MAP1A: variants seen among roughly 807,000 people sequenced by gnomAD.
MAP1A encodes the protein microtubule associated protein 1A.
MAP1A carries 42 observed loss-of-function variants against 185.9 expected under a neutral mutation model. That is an observed-to-expected ratio of 0.23 (90% CI 0.18 to 0.29). The LOEUF (loss-of-function observed/expected upper bound fraction) is 0.29. Among genes scored for constraint, MAP1A ranks in the 10% least tolerant of loss-of-function variants. The pLI, the probability that MAP1A is intolerant of heterozygous loss-of-function variation, is 1.00. For missense variants in MAP1A, 2,995 were observed against 3,450.4 expected, an observed-to-expected ratio of 0.87 and a Z score of 3.31; for synonymous variants, 1,229 against 1,335.9, an observed-to-expected ratio of 0.92 and a Z score of 1.74.
At position 43,524,169 on chromosome 15, in the gene MAP1A, C is replaced by T. The variant is rs746403493; in HGVS notation, c.2696C>T (p.Ser899Phe). Residue 899 changes from serine (S) to phenylalanine (F), a missense_variant, in exon 4 of 6, where the codon TCC becomes TTC. Ser to Phe is a radical substitution (Grantham distance 155). Transcript: ENST00000300231. ...TCAGCTGGTACCATCTCACCCACCT[C>T]CTCACTGGAAGAAGACAAGGGCTTC... ...VPSAGTISPTSSLEEDKGFKS... is the reference protein window; with the variant it reads ...VPSAGTISPTFSLEEDKGFKS... 2.5e-6 allele frequency: 4 copies of T among 1,614,188 alleles called. No individual in the cohort carries two copies. The highest frequency in any genetic ancestry group is 2.5e-6 in the Non-Finnish European group (3 of 1,180,036).
Position 43,529,682 on chromosome 15 carries a change from C to T in MAP1A, c.8068C>T (p.Pro2690Ser), listed in dbSNP as rs201773895. The T allele has an allele frequency of 1.7e-3, 2,724 of 1,614,132 alleles. 9 individuals are homozygous for T. The highest frequency in any genetic ancestry group is 2.7e-3 in the South Asian group (243 of 91,072). Residue 2690 changes from proline to serine, a missense_variant, in exon 5 of 6, where the codon CCT becomes TCT. Transcript: ENST00000300231. The surrounding 1 kb of genome is among the most constrained non-coding windows in gnomAD (Gnocchi z 4.3). ...GAGTTCCAAGGGCAGCTCTGGTGCCCCTGTATATGTGGATCTCGCCTACAT... is the reference window on the plus strand; with the variant it reads ...GAGTTCCAAGGGCAGCTCTGGTGCCTCTGTATATGTGGATCTCGCCTACAT... ...ALSSKGSSGA[P>S]VYVDLAYIPN...
Position 43,522,992 on chromosome 15 carries a change from G to A in MAP1A, c.1519G>A (p.Ala507Thr). The change falls in exon 4 of 6, where the codon GCC becomes ACC. Residue 507 changes from alanine (A) to threonine (T), a missense_variant. Physicochemically the swap from Ala to Thr is moderately conservative, Grantham distance 58. Around this residue, in one of 3 missense-constraint regions of MAP1A, gnomAD observed 2,728 missense variants for 2,986.0 expected, o/e 0.91. Transcript: ENST00000300231. This position sits in a 1 kb window ranked among gnomAD's most constrained non-coding sequence, Gnocchi z 5.9. ...ELSSEPQTPP[A>T]QKGTVPLPTI... is the part of the protein sequence containing the mutation. The stretch of plus-strand genomic sequence containing the variant: ...GTCTTCTGAGCCCCAGACACCCCCA[G>A]CCCAGAAGGGAACTGTACCACTCCC... The A allele has an allele frequency of 6.2e-7, 1 of 1,614,160 alleles. No homozygotes were observed. Among genetic ancestry groups the A allele is most frequent in the East Asian group, 2.2e-5 (1 of 44,886 alleles).
In MAP1A at chr15:43,523,062, A is replaced by T; in HGVS notation, c.1589A>T (p.Asp530Val). ...GAGCTGGTCCTATCCTCACCAGAGG[A>T]CCTCACACAGGACTTTGAGGAGATG... Reference protein sequence around the residue: ...HRELVLSSPEDLTQDFEEMKR... With the variant: ...HRELVLSSPEVLTQDFEEMKR... Residue 530 changes from aspartate (D) to valine (V), a missense_variant, in exon 4 of 6, where the codon GAC becomes GTC. Transcript: ENST00000300231. The T allele has an allele frequency of 6.2e-7, 1 of 1,614,114 alleles. No individual in the cohort carries two copies. Among genetic ancestry groups the T allele is most frequent in the Non-Finnish European group, 8.5e-7 (1 of 1,180,012 alleles).
chr15:43,516,914 G>T (rs1471048965), upstream of MAP1A, among the ~76,000 whole-genome samples: 1 of 152,156 alleles, frequency 6.6e-6, no homozygotes, highest in East Asian at 1.9e-4. Context: ...AATGACTCAA[G>T]AATCCCAAGA....
Position 43,529,607 on chromosome 15 carries a change from G to T in MAP1A, c.8036-43G>T, listed in dbSNP as rs1443191116. 6.2e-7 allele frequency: 1 copy of T among 1,610,040 alleles called. No homozygotes were observed. The highest frequency in any genetic ancestry group is 2.2e-5 in the East Asian group (1 of 44,852). ...GACAGAGGGGAAGGTTGCCAAAAGG[G>T]TTCTACTTTTCCTCTACAATGAATC... On this transcript the variant is annotated intron_variant, in intron 4 of 5. Coordinates refer to ENST00000300231, the MANE Select transcript of MAP1A (RefSeq NM_002373.6). The surrounding 1 kb of genome is among the most constrained non-coding windows in gnomAD (Gnocchi z 4.3).
At position 43,527,499 on chromosome 15, in the gene MAP1A, G is replaced by A. The variant is rs199600508; in HGVS notation, c.6026G>A (p.Arg2009Gln). 4.6e-4 allele frequency: 745 copies of A among 1,613,958 alleles called. 1 individual carries two copies. Among genetic ancestry groups the A allele is most frequent in the Non-Finnish European group, 5.7e-4 (667 of 1,180,010 alleles). The stretch of plus-strand genomic sequence containing the variant: ...TCAACCAAGGAGGCAGCTGCCGGCC[G>A]AAACACATCTGCAGAGAAGGAGCTT... Reference protein sequence around the residue: ...CLSTKEAAAGRNTSAEKELSS... With the variant: ...CLSTKEAAAGQNTSAEKELSS... Residue 2009 changes from arginine (R) to glutamine (Q), a missense_variant, in exon 4 of 6, where the codon CGA (arginine) becomes CAA (glutamine). Physicochemically the swap from Arg to Gln is conservative, Grantham distance 43 (BLOSUM62 1). Around this residue, in one of 3 missense-constraint regions of MAP1A, gnomAD observed 2,728 missense variants for 2,986.0 expected, o/e 0.91. Coordinates refer to ENST00000300231, the MANE Select transcript of MAP1A (RefSeq NM_002373.6).
chr15:43,530,252 C>G lies in MAP1A; in HGVS notation c.*28C>G. The G allele has an allele frequency of 6.2e-7, 1 of 1,612,276 alleles. No homozygotes were observed. Among genetic ancestry groups the G allele is most frequent in the Non-Finnish European group, 8.5e-7 (1 of 1,179,016 alleles). ...GAGCCGCCCTCCCTTCCCCAAGGAT[C>G]CACTCCCCCAGCTCCTTTAGAGAAT... On this transcript the variant is annotated 3_prime_UTR_variant, in exon 6 of 6. Transcript: ENST00000300231.
Position 43,526,570 on chromosome 15 carries a change from G to A in MAP1A, c.5097G>A (p.Glu1699=), listed in dbSNP as rs1337622968. The A allele has an allele frequency of 1.2e-6, 2 of 1,614,186 alleles. No homozygotes were observed. Among genetic ancestry groups the A allele is most frequent in the South Asian group, 1.1e-5 (1 of 91,088 alleles). The change falls in exon 4 of 6, where the codon GAG becomes GAA. Residue 1699 remains glutamate, a synonymous_variant. Coordinates refer to ENST00000300231, the MANE Select transcript of MAP1A (RefSeq NM_002373.6). This position sits in a 1 kb window ranked among gnomAD's most constrained non-coding sequence, Gnocchi z 4.7. ...TGGAACAGGACACATACTGGAGGGA[G>A]CTAAGCTGTGAGCGGAAGGTCTGGT... ...VALEQDTYWR[E]LSCERKVWFP... is the part of the protein sequence containing the mutation.
At chr15:43,511,268 GT>G in intron 1 of MAP1A, 1 of 1,467,382 alleles carries the variant, frequency 6.8e-7, no homozygotes, top group Non-Finnish European at 9.3e-7. Flanking sequence ...TCTCTACCCT[GT>G]GCTTCTCCGC....
chr15:43,522,682 G>T lies in MAP1A; in HGVS notation c.1209G>T (p.Lys403Asn). 1 of 1,609,308 alleles carries T rather than the reference G, an allele frequency of 6.2e-7. No homozygotes were observed. Among genetic ancestry groups the T allele is most frequent in the South Asian group, 1.1e-5 (1 of 90,502 alleles). ...TGATCAAAGACAAGGTAGGGAAAAA[G>T]CACCTTAAAGAAAAGATATCAAAGC... ...RKLIKDKVGK[K>N]HLKEKISKLE... Residue 403 changes from lysine (K) to asparagine (N), a missense_variant, in exon 4 of 6, where the codon AAG becomes AAT. Around this residue, in one of 3 missense-constraint regions of MAP1A, gnomAD observed 2,728 missense variants for 2,986.0 expected, o/e 0.91. Coordinates refer to ENST00000300231, the MANE Select transcript of MAP1A (RefSeq NM_002373.6). The surrounding 1 kb of genome is among the most constrained non-coding windows in gnomAD (Gnocchi z 5.9).
intron 1 of MAP1A, 106 bp downstream of exon 1, chr15:43,517,806 C>G (rs2140202616): frequency 4.7e-6 from 1 of 211,104 alleles, no homozygotes; most frequent in East Asian, 1.8e-4. Flanking sequence ...ACATCTAGAA[C>G]TAGCCCAGTG....
upstream of MAP1A, among the ~76,000 whole-genome samples, chr15:43,515,180 G>A (rs1453367604): frequency 6.6e-6 from 1 of 152,190 alleles, no homozygotes; most frequent in Non-Finnish European, 1.5e-5. Context: ...TTGCAGTCCA[G>A]CCTGGGCGAC....
chr15:43,517,356 A>C (rs2079301307), upstream of MAP1A, among the ~76,000 whole-genome samples: 4 of 152,100 alleles, frequency 2.6e-5, no homozygotes, highest in Admixed American at 2.6e-4. Flanking sequence ...GGCTGATGCC[A>C]AAAGAATATT....
Position 43,521,481 on chromosome 15 carries a change from G to A in MAP1A, c.8G>A (p.Gly3Asp). ...GAGCCCACTCTGCCCACCATGGACG[G>A]CGTGGCTGAGTTCTCCGAGTATGTC... Reference protein sequence around the residue: MDGVAEFSEYVSE... With the variant: MDDVAEFSEYVSE... The change falls in exon 4 of 6, where the codon GGC becomes GAC. Residue 3 changes from glycine to aspartate, a missense_variant. Gly to Asp is a moderately conservative substitution (Grantham distance 94, BLOSUM62 -1). Coordinates refer to ENST00000300231, the MANE Select transcript of MAP1A (RefSeq NM_002373.6). This position sits in a 1 kb window ranked among gnomAD's most constrained non-coding sequence, Gnocchi z 4.6. The A allele has an allele frequency of 6.2e-7, 1 of 1,614,154 alleles. No homozygotes were observed. Among genetic ancestry groups the A allele is most frequent in the Non-Finnish European group, 8.5e-7 (1 of 1,180,028 alleles).
At chr15:43,515,376 T>G (rs927743146), upstream of MAP1A, among the ~76,000 whole-genome samples, 3 of 152,222 alleles carry the variant, frequency 2.0e-5, no homozygotes, top group African/African-American at 7.2e-5. Flanking sequence ...AACCGGGGTC[T>G]GCATTGCTGT....
Position 43,528,285 on chromosome 15 carries a change from T to C in MAP1A, c.6812T>C (p.Val2271Ala), listed in dbSNP as rs1038134589. ...SEATTPVISS[V>A]AERFSPSLEA... is the part of the protein sequence containing the mutation. ...GCTACCACGCCTGTGATTTCAAGTG[T>C]GGCGGAGCGCTTCTCTCCAAGCCTT... Residue 2271 changes from valine (V) to alanine (A), a missense_variant, in exon 4 of 6, where the codon GTG (valine) becomes GCG (alanine). Transcript: ENST00000300231. The C allele has an allele frequency of 5.0e-6, 8 of 1,613,942 alleles. No individual in the cohort carries two copies. Among genetic ancestry groups the C allele is most frequent in the Non-Finnish European group, 6.8e-6 (8 of 1,180,030 alleles).
At chr15:43,511,322 C>A in intron 1 of MAP1A, 1 of 948,420 alleles carries the variant, frequency 1.1e-6, no homozygotes, top group South Asian at 1.6e-5. Flanking sequence ...CATCTCCATC[C>A]CTAGTGTGCA....
Position 43,528,366 on chromosome 15 carries a change from A to C in MAP1A, c.6893A>C (p.His2298Pro), listed in dbSNP as rs1041840391. 3 of 1,613,968 alleles carry C rather than the reference A, an allele frequency of 1.9e-6. No homozygotes were observed. Among genetic ancestry groups the C allele is most frequent in the Admixed American group, 3.3e-5 (2 of 60,036 alleles). Reference sequence around the variant, plus strand: ...GACCCAGGAATGGAACCAGCTGCCCACAGCCTCTGGGACCTCACTCCTCTG... The same window carrying C: ...GACCCAGGAATGGAACCAGCTGCCCCCAGCCTCTGGGACCTCACTCCTCTG... ...ELDPGMEPAA[H>P]SLWDLTPLSP... The change falls in exon 4 of 6, where the codon CAC (histidine) becomes CCC (proline). Residue 2298 changes from histidine (H) to proline (P), a missense_variant. Physicochemically the swap from His to Pro is moderately conservative, Grantham distance 77 (BLOSUM62 -2). This residue lies in a region of MAP1A where 2,728 missense variants were observed against 2,986.0 expected (regional missense o/e 0.91). Coordinates refer to ENST00000300231, the MANE Select transcript of MAP1A (RefSeq NM_002373.6).
chr15:43,521,563 G>T lies in MAP1A; in HGVS notation c.90G>T (p.Gly30=), dbSNP rs778499660. 1 of 1,614,066 alleles carries T rather than the reference G, an allele frequency of 6.2e-7. No homozygotes were observed. Among genetic ancestry groups the T allele is most frequent in the Non-Finnish European group, 8.5e-7 (1 of 1,180,002 alleles). The change falls in exon 4 of 6, where the codon GGG becomes GGT. Residue 30 remains glycine (G), a synonymous_variant. Transcript: ENST00000300231. This position sits in a 1 kb window ranked among gnomAD's most constrained non-coding sequence, Gnocchi z 4.6. Reference sequence around the variant, plus strand: ...ACCTACTAGAGCCCCCCACCTCAGGGGGCTTCCTCAAGCTCTCCAAGCCTT... The same window carrying T: ...ACCTACTAGAGCCCCCCACCTCAGGTGGCTTCCTCAAGCTCTCCAAGCCTT... ...PFDLLEPPTS[G]GFLKLSKPCC...
Sources: gnomAD v4.1 joint callset for allele counts (sites outside exome capture counted in the v4.1 genomes callset) on GRCh38, gnomAD v4.1.1 for gene constraint, gnomAD v4.1.1 regional missense constraint, Gnocchi (gnomAD v3.1) non-coding constraint, MANE v1.5 for transcripts, NCBI Gene and HGNC (gene_info 2026-07-23, HGNC 2026-07-21) for gene names.